NHLRC1: variants seen among roughly 807,000 people sequenced by gnomAD.
NHLRC1 encodes the protein NHL repeat containing E3 ubiquitin protein ligase 1.
A neutral mutation model predicts 14.6 loss-of-function variants in NHLRC1; 10 were observed. The ratio of observed to expected loss-of-function variants is 0.69; its 90% confidence interval spans 0.42 to 1.17. The LOEUF (loss-of-function observed/expected upper bound fraction) is 1.17. Among genes scored for constraint, NHLRC1 ranks in the 50% most tolerant of loss-of-function variants. The pLI, the probability that NHLRC1 is intolerant of heterozygous loss-of-function variation, is 0.00. For synonymous variants in NHLRC1, 231 were observed against 224.0 expected, an observed-to-expected ratio of 1.03 and a Z score of -0.28; for missense variants, 526 against 522.9, an observed-to-expected ratio of 1.01 and a Z score of -0.06.
chr6:18,122,118 C>T lies in NHLRC1; in HGVS notation c.489G>A (p.Gln163=), dbSNP rs1284283169. The T allele has an allele frequency of 5.6e-6, 9 of 1,613,936 alleles. No homozygotes were observed. In the East Asian group the frequency reaches 2.0e-4, roughly 36 times the overall value. The change falls in exon 1 of 1, where the codon CAG becomes CAA. Residue 163 remains glutamine (Q), a synonymous_variant. Transcript: ENST00000340650. ...GGGCAGCGTCCCCCTTCTCTCCAAA[C>T]TGATGCGCGCATCCTCCCCCTGAGT... ...IFDSGGGCAH[Q]FGEKGDAAQD...
chr6:18,121,485 C>A lies in NHLRC1; in HGVS notation c.1122G>T (p.Glu374Asp). ...SHPVALTFTKENSLLVLDTAS... is the reference protein window; with the variant it reads ...SHPVALTFTKDNSLLVLDTAS... ...CTGTGTCCAGCACAAGAAGAGAATT[C>A]TCCTTGGTGAAGGTAAGAGCCACAG... is the stretch of plus-strand genomic sequence containing the variant. The change falls in exon 1 of 1, where the codon GAG becomes GAT. Residue 374 changes from glutamate to aspartate, a missense_variant. Physicochemically the swap from Glu to Asp is conservative, Grantham distance 45. Coordinates refer to ENST00000340650, the MANE Select transcript of NHLRC1 (RefSeq NM_198586.3). The surrounding 1 kb of genome is among the most constrained non-coding windows in gnomAD (Gnocchi z 4.7). The A allele has an allele frequency of 6.2e-7, 1 of 1,614,190 alleles. No homozygotes were observed. Among genetic ancestry groups the A allele is most frequent in the Non-Finnish European group, 8.5e-7 (1 of 1,180,034 alleles).
rs775532087 is a variant in NHLRC1 at position 18,122,582 on chromosome 6, C to A, written c.25G>T (p.Gly9Trp). MAAEASES[G>W]PALHELMREA... ...CGCATGAGCTCATGCAGCGCTGGCC[C>A]GCTCTCCGAGGCTTCGGCCGCCATG... Residue 9 changes from glycine to tryptophan, a missense_variant, in exon 1 of 1, where the codon GGG (glycine) becomes TGG (tryptophan). Physicochemically the swap from Gly to Trp is radical, Grantham distance 184 (BLOSUM62 -2). Transcript: ENST00000340650. 1 of 1,596,342 alleles carries A rather than the reference C, an allele frequency of 6.3e-7. No homozygotes were observed. The highest frequency in any genetic ancestry group is 1.1e-5 in the South Asian group (1 of 90,974).
At position 18,122,443 on chromosome 6, in the gene NHLRC1, A is replaced by G. The variant is rs1369766718; in HGVS notation, c.164T>C (p.Val55Ala). 4 of 1,594,002 alleles carry G rather than the reference A, an allele frequency of 2.5e-6. No homozygotes were observed. The African/African-American group carries it at 5.3e-5, about 21-fold the overall frequency. ...AGTGCGCGGGTGCGCCAGGGCGGCC[A>G]CGCAGGCCAGGCAGACCACGTGGCC... ...SCGHVVCLAC[V>A]AALAHPRTLA... The change falls in exon 1 of 1, where the codon GTG becomes GCG. Residue 55 changes from valine (V) to alanine (A), a missense_variant. Coordinates refer to ENST00000340650, the MANE Select transcript of NHLRC1 (RefSeq NM_198586.3).
chr6:18,122,406 C>G lies in NHLRC1; in HGVS notation c.201G>C (p.Glu67Asp). 2 of 1,586,176 alleles carry G rather than the reference C, an allele frequency of 1.3e-6. No homozygotes were observed. The highest frequency in any genetic ancestry group is 8.5e-7 in the Non-Finnish European group (1 of 1,174,426). The stretch of plus-strand genomic sequence containing the variant: ...GGCAAGCTCGCCTGCAGAATGGGCA[C>G]TCGAGGGCCAGAGTGCGCGGGTGCG... ...ALAHPRTLAL[E>D]CPFCRRACRG... The change falls in exon 1 of 1, where the codon GAG becomes GAC. Residue 67 changes from glutamate (E) to aspartate (D), a missense_variant. Glu to Asp is a conservative substitution (Grantham distance 45). Transcript: ENST00000340650.
At position 18,122,602 on chromosome 6, in the gene NHLRC1, G is replaced by T. The variant is rs963295265; in HGVS notation, c.5C>A (p.Ala2Glu). Residue 2 changes from alanine (A) to glutamate (E), a missense_variant, in exon 1 of 1, where the codon GCG (alanine) becomes GAG (glutamate). Physicochemically the swap from Ala to Glu is moderately radical, Grantham distance 107. Transcript: ENST00000340650. ...TGGCCCGCTCTCCGAGGCTTCGGCC[G>T]CCATGGCGCGTCCTGTGCACTCCCG... is the stretch of plus-strand genomic sequence containing the variant. M[A>E]AEASESGPAL... 13 of 1,592,860 alleles carry T rather than the reference G, an allele frequency of 8.2e-6. No individual in the cohort carries two copies. The highest frequency in any genetic ancestry group is 1.1e-5 in the Non-Finnish European group (13 of 1,178,122).
At position 18,122,332 on chromosome 6, in the gene NHLRC1, A is replaced by G; in HGVS notation, c.275T>C (p.Leu92Pro). The G allele has an allele frequency of 1.3e-6, 2 of 1,578,700 alleles. No homozygotes were observed. Among genetic ancestry groups the G allele is most frequent in the Non-Finnish European group, 1.7e-6 (2 of 1,170,152 alleles). ...DCLPVLHLIELLGSALRQSPA... is the reference protein window; with the variant it reads ...DCLPVLHLIEPLGSALRQSPA... ...GGACTGGCGAAGCGCTGAGCCCAGGAGCTCTATGAGGTGCAGCACCGGCAG... is the reference window on the plus strand; with the variant it reads ...GGACTGGCGAAGCGCTGAGCCCAGGGGCTCTATGAGGTGCAGCACCGGCAG... Residue 92 changes from leucine to proline, a missense_variant, in exon 1 of 1, where the codon CTC becomes CCC. Transcript: ENST00000340650.
chr6:18,122,523 C>T lies in NHLRC1; in HGVS notation c.84G>A (p.Val28=). 6.3e-7 allele frequency: 1 copy of T among 1,597,600 alleles called. No individual in the cohort carries two copies. The highest frequency in any genetic ancestry group is 8.5e-7 in the Non-Finnish European group (1 of 1,179,608). ...EAEISLLECK[V]CFEKFGHRQQ... ...GCCGGTGGCCAAACTTCTCAAAGCACACCTTGCACTCGAGCAGGCTGATCT... is the reference window on the plus strand; with the variant it reads ...GCCGGTGGCCAAACTTCTCAAAGCATACCTTGCACTCGAGCAGGCTGATCT... The change falls in exon 1 of 1, where the codon GTG becomes GTA. Residue 28 remains valine, a synonymous_variant. Transcript: ENST00000340650.
In NHLRC1 at chr6:18,122,339, T is replaced by C. The variant is rs986573010; in HGVS notation, c.268A>G (p.Ile90Val). 6.3e-7 allele frequency: 1 copy of C among 1,577,282 alleles called. No homozygotes were observed. The highest frequency in any genetic ancestry group is 1.3e-5 in the African/African-American group (1 of 74,672). Residue 90 changes from isoleucine (I) to valine (V), a missense_variant, in exon 1 of 1, where the codon ATA becomes GTA. Transcript: ENST00000340650. ...CGAAGCGCTGAGCCCAGGAGCTCTATGAGGTGCAGCACCGGCAGGCAGTCG... is the reference window on the plus strand; with the variant it reads ...CGAAGCGCTGAGCCCAGGAGCTCTACGAGGTGCAGCACCGGCAGGCAGTCG... ...TSDCLPVLHL[I>V]ELLGSALRQS...
Position 18,121,684 on chromosome 6 carries a change from T to TC in NHLRC1, c.922dup (p.Asp308GlyfsTer21). ...AAAGTAGAGGCTCAGCCCAAAGGTA[T>TC]CCACTTGGCCGACAAGCTGCATACT... On this transcript the variant is annotated frameshift_variant, in exon 1 of 1. Transcript: ENST00000340650. LOFTEE classifies it high-confidence loss of function. This position sits in a 1 kb window ranked among gnomAD's most constrained non-coding sequence, Gnocchi z 4.7. 6.2e-7 allele frequency: 1 copy of TC among 1,614,038 alleles called. No individual in the cohort carries two copies. The highest frequency in any genetic ancestry group is 1.3e-5 in the African/African-American group (1 of 75,002).
In NHLRC1 at chr6:18,122,247, G is replaced by C. The variant is rs754279385; in HGVS notation, c.360C>G (p.Phe120Leu). 1 of 1,609,348 alleles carries C rather than the reference G, an allele frequency of 6.2e-7. No homozygotes were observed. Among genetic ancestry groups the C allele is most frequent in the African/African-American group, 1.3e-5 (1 of 75,068 alleles). The change falls in exon 1 of 1, where the codon TTC becomes TTG. Residue 120 changes from phenylalanine (F) to leucine (L), a missense_variant. Phe to Leu is a conservative substitution (Grantham distance 22). Coordinates refer to ENST00000340650, the MANE Select transcript of NHLRC1 (RefSeq NM_198586.3). ...APGALTCHHT[F>L]GGWGTLVNPT... The stretch of plus-strand genomic sequence containing the variant: ...GGTTGACCAGGGTCCCCCAGCCGCC[G>C]AAGGTGTGGTGGCAGGTGAGGGCTC...
rs531663760 is a variant in NHLRC1, at chr6:18,121,417, C to T, written c.*2G>A. The T allele has an allele frequency of 6.2e-7, 1 of 1,611,718 alleles. No individual in the cohort carries two copies. The highest frequency in any genetic ancestry group is 1.7e-5 in the Admixed American group (1 of 60,020). On this transcript the variant is annotated 3_prime_UTR_variant, in exon 1 of 1. Coordinates refer to ENST00000340650, the MANE Select transcript of NHLRC1 (RefSeq NM_198586.3). This position sits in a 1 kb window ranked among gnomAD's most constrained non-coding sequence, Gnocchi z 4.7. The stretch of plus-strand genomic sequence containing the variant: ...CTGATTCCAGGGACCCACCCCAGCC[C>T]ATCACCCCCAGTCAACTTTATAGAC...
chr6:18,121,932 A>AG lies in NHLRC1; in HGVS notation c.674dup (p.Gln226SerfsTer8). 6.2e-7 allele frequency: 1 copy of AG among 1,614,200 alleles called. No homozygotes were observed. Among genetic ancestry groups the AG allele is most frequent in the South Asian group, 1.1e-5 (1 of 91,080 alleles). Reference sequence around the variant, plus strand: ...CATCAGTTACCACAATCCCATTCTGAGGGGTGGTCTCCACACCCCAAGGTA... The same window carrying AG: ...CATCAGTTACCACAATCCCATTCTGAGGGGGTGGTCTCCACACCCCAAGGTA... On this transcript the variant is annotated frameshift_variant, in exon 1 of 1. Coordinates refer to ENST00000340650, the MANE Select transcript of NHLRC1 (RefSeq NM_198586.3). LOFTEE classifies it high-confidence loss of function. This position sits in a 1 kb window ranked among gnomAD's most constrained non-coding sequence, Gnocchi z 4.7.
chr6:18,121,748 TC>T lies in NHLRC1; in HGVS notation c.858del (p.Thr287LeufsTer8). On this transcript the variant is annotated frameshift_variant, in exon 1 of 1. Coordinates refer to ENST00000340650, the MANE Select transcript of NHLRC1 (RefSeq NM_198586.3). LOFTEE classifies it high-confidence loss of function. This position sits in a 1 kb window ranked among gnomAD's most constrained non-coding sequence, Gnocchi z 4.7. ...IAVLEHPLAL[G>X]TGVCSTRVKV... The stretch of plus-strand genomic sequence containing the variant: ...TTCACCCTGGTGCTGCAAACCCCAG[TC>T]CCCAGGGCCAGGGGGTGCTCCAGGA... 1 of 1,613,882 alleles carries T rather than the reference TC, an allele frequency of 6.2e-7. No individual in the cohort carries two copies. Among genetic ancestry groups the T allele is most frequent in the Non-Finnish European group, 8.5e-7 (1 of 1,180,002 alleles).
rs374327275 is a variant in NHLRC1 at position 18,121,856 on chromosome 6, G to A, written c.751C>T (p.Leu251Phe). Residue 251 changes from leucine to phenylalanine, a missense_variant, in exon 1 of 1, where the codon CTT becomes TTT. Transcript: ENST00000340650. The surrounding 1 kb of genome is among the most constrained non-coding windows in gnomAD (Gnocchi z 4.7). ...GCTTGCAACCTTTCAGTTCTCCGAA[G>A]GACCCCTTCCGCGAAGTCGACGTCC... ...LLDVDFAEGV[L>F]RRTERLQAHL... The A allele has an allele frequency of 7.4e-6, 12 of 1,613,966 alleles. No individual in the cohort carries two copies. Among genetic ancestry groups the A allele is most frequent in the South Asian group, 2.2e-5 (2 of 91,088 alleles).
rs1345327792 is a variant in NHLRC1, at chr6:18,121,400, A to G, written c.*19T>C. ...TGGCAGCACTAGTGCTTCTGATTCC[A>G]GGGACCCACCCCAGCCCATCACCCC... is the stretch of plus-strand genomic sequence containing the variant. On this transcript the variant is annotated 3_prime_UTR_variant, in exon 1 of 1. Transcript: ENST00000340650. The surrounding 1 kb of genome is among the most constrained non-coding windows in gnomAD (Gnocchi z 4.7). 4 of 1,589,698 alleles carry G rather than the reference A, an allele frequency of 2.5e-6. No homozygotes were observed. The highest frequency in any genetic ancestry group is 3.5e-6 in the Non-Finnish European group (4 of 1,158,090).
In NHLRC1 at chr6:18,121,096, G is replaced by A. The variant is rs548177601; in HGVS notation, c.*323C>T. 4 of 339,866 alleles carry A rather than the reference G, an allele frequency of 1.2e-5. No homozygotes were observed. Among genetic ancestry groups the A allele is most frequent in the South Asian group, 1.2e-4 (4 of 34,060 alleles). 21.1% of individuals were successfully genotyped at this position (339,866 alleles called of 1,614,324 possible). A position where few individuals can be genotyped will look rare whatever the true frequency, so the allele number is the denominator to read the frequency against. The stretch of plus-strand genomic sequence containing the variant: ...GAGGTGGAAGGACCACCTGAGCGGG[G>A]GACGTTGAAACTGTAGTGAGCTGTG... On this transcript the variant is annotated 3_prime_UTR_variant, in exon 1 of 1. Coordinates refer to ENST00000340650, the MANE Select transcript of NHLRC1 (RefSeq NM_198586.3). The surrounding 1 kb of genome is among the most constrained non-coding windows in gnomAD (Gnocchi z 4.7).
Position 18,122,187 on chromosome 6 carries a change from A to C in NHLRC1, c.420T>G (p.Arg140=). 5 of 1,613,580 alleles carry C rather than the reference A, an allele frequency of 3.1e-6. No individual in the cohort carries two copies. The highest frequency in any genetic ancestry group is 3.4e-6 in the Non-Finnish European group (4 of 1,180,004). ...TCCTGCCGTCGTGCACCACCACGAC[A>C]CGCCCCGTCTTGGGACAAAGCGCCA... ...TGLALCPKTG[R]VVVVHDGRRR... Residue 140 remains arginine, a synonymous_variant, in exon 1 of 1, where the codon CGT becomes CGG. Transcript: ENST00000340650.
Position 18,121,523 on chromosome 6 carries a change from C to T in NHLRC1, c.1084G>A (p.Gly362Ser). 1 of 1,614,198 alleles carries T rather than the reference C, an allele frequency of 6.2e-7. No homozygotes were observed. The highest frequency in any genetic ancestry group is 8.5e-7 in the Non-Finnish European group (1 of 1,180,040). Residue 362 changes from glycine to serine, a missense_variant, in exon 1 of 1, where the codon GGT becomes AGT. By Grantham distance (56) the Gly-to-Ser change is moderately conservative (BLOSUM62 0). Coordinates refer to ENST00000340650, the MANE Select transcript of NHLRC1 (RefSeq NM_198586.3). The surrounding 1 kb of genome is among the most constrained non-coding windows in gnomAD (Gnocchi z 4.7). ...GTAAGAGCCACAGGATGCGAAAGAC[C>T]ATGAGTGACCATGGGCTTCGGTACT... Reference protein sequence around the residue: ...FPVPKPMVTHGLSHPVALTFT... With the variant: ...FPVPKPMVTHSLSHPVALTFT...
rs527299943 is a variant in NHLRC1 at position 18,121,674 on chromosome 6, C to A, written c.933G>T (p.Gly311=). 1.4e-5 allele frequency: 22 copies of A among 1,614,104 alleles called. No individual in the cohort carries two copies. In the African/African-American group the frequency reaches 2.5e-4, roughly 19 times the overall value. Reference sequence around the variant, plus strand: ...TTTTGGAGGGAAAGTAGAGGCTCAGCCCAAAGGTATCCACTTGGCCGACAA... The same window carrying A: ...TTTTGGAGGGAAAGTAGAGGCTCAGACCAAAGGTATCCACTTGGCCGACAA... ...MQLVGQVDTF[G]LSLYFPSKIT... is the part of the protein sequence containing the mutation. Residue 311 remains glycine, a synonymous_variant, in exon 1 of 1, where the codon GGG becomes GGT. Coordinates refer to ENST00000340650, the MANE Select transcript of NHLRC1 (RefSeq NM_198586.3). This position sits in a 1 kb window ranked among gnomAD's most constrained non-coding sequence, Gnocchi z 4.7.
Sources: gnomAD v4.1 joint callset for allele counts on GRCh38, gnomAD v4.1.1 for gene constraint, Gnocchi (gnomAD v3.1) non-coding constraint, MANE v1.5 for transcripts, NCBI Gene and HGNC (gene_info 2026-07-23, HGNC 2026-07-21) for gene names.